GPLD1: variants seen among roughly 807,000 people sequenced by gnomAD.
GPLD1 encodes the protein phosphatidylinositol-glycan-specific phospholipase D.
GPLD1 carries 84 observed loss-of-function variants against 112.6 expected under a neutral mutation model. That is an observed-to-expected ratio of 0.75 (90% CI 0.63 to 0.89). The LOEUF (loss-of-function observed/expected upper bound fraction) is 0.89, where lower values mean the gene tolerates loss of function less well. GPLD1 is among the 40% of genes least tolerant of loss of function. The pLI is 0.00. For synonymous variants in GPLD1, 386 were observed against 403.8 expected, an observed-to-expected ratio of 0.96 and a Z score of 0.53; for missense variants, 1,044 against 1,051.5, an observed-to-expected ratio of 0.99 and a Z score of 0.10.
At chr6:24,485,314 G>T (rs143227803) in intron 2 of GPLD1, among the ~76,000 whole-genome samples, 1 of 152,282 alleles carries the variant, frequency 6.6e-6, no homozygotes, top group African/African-American at 2.4e-5. Flanking sequence ...AAGGTGGAAG[G>T]ATTGCTTGAG....
intron 7 of GPLD1, among the ~76,000 whole-genome samples, chr6:24,470,888 C>T (rs991450656): frequency 1.1e-4 from 16 of 152,156 alleles, no homozygotes; most frequent in South Asian, 2.1e-4. Flanking sequence ...CATGAGCCAC[C>T]GTGCCTGGCC....
At chr6:24,458,891 T>C (rs890260912) in intron 12 of GPLD1, among the ~76,000 whole-genome samples, 14 of 145,574 alleles carry the variant, frequency 9.6e-5, no homozygotes, top group Non-Finnish European at 2.0e-4. Context: ...AAAAAAAAAA[T>C]TGTTAAGAAT....
In GPLD1 at chr6:24,494,624, T is replaced by C. The variant is rs7772630; in HGVS notation, n.239+343A>G. Among the ~76,000 whole-genome samples the C allele has an allele frequency of 3.5e-3, 537 of 152,234 alleles. No homozygotes were observed. Among genetic ancestry groups the C allele is most frequent in the African/African-American group, 0.012 (501 of 41,524 alleles). On this transcript the variant is annotated intron_variant and non_coding_transcript_variant, in intron 1 of 10. Coordinates refer to the GPLD1 transcript ENST00000474784. Reference sequence around the variant, plus strand: ...ATGCTAAGGGGAGAGAGTGGGTCTCTAGCAGCGATTGGGGGCTCAGGAGCA... The same window carrying C: ...ATGCTAAGGGGAGAGAGTGGGTCTCCAGCAGCGATTGGGGGCTCAGGAGCA...
At chr6:24,429,244 G>T in intron 24 of GPLD1, 126 bp from the exon 25 acceptor site, 2 of 525,238 alleles carry the variant, frequency 3.8e-6, no homozygotes, top group Non-Finnish European at 3.3e-6. Flanking sequence ...AGATCCCCTG[G>T]CTTGAACTCA....
At chr6:24,440,195 C>CCTA (rs1762701296) in intron 20 of GPLD1, among the ~76,000 whole-genome samples, 1 of 88,582 alleles carries the variant, frequency 1.1e-5, no homozygotes, top group African/African-American at 3.4e-5. Context: ...ATGGCTCATG[C>CCTA]CTATAATCCC....
chr6:24,475,848 ACT>A (rs1018844225), intron 4 of GPLD1, among the ~76,000 whole-genome samples: 9 of 148,428 alleles, frequency 6.1e-5, no homozygotes, highest in African/African-American at 1.2e-4. Flanking sequence ...ACAGAGCGAC[ACT>A]CTGTCTGAAA....
intron 20 of GPLD1, among the ~76,000 whole-genome samples, chr6:24,439,651 T>C (rs763844867): frequency 6.6e-6 from 1 of 152,168 alleles, no homozygotes; most frequent in Non-Finnish European, 1.5e-5. Flanking sequence ...AATTAAACAA[T>C]GGATTATCAT....
At position 24,472,636 on chromosome 6, in the gene GPLD1, C is replaced by T. The variant is rs1763861734; in HGVS notation, c.491G>A (p.Gly164Glu). Residue 164 changes from glycine (G) to glutamate (E), a missense_variant and splice_region_variant, in exon 7 of 25, where the codon GGA (glycine) becomes GAA (glutamate). By Grantham distance (98) the Gly-to-Glu change is moderately conservative. Transcript: ENST00000230036. ...TTCAAACTGGCTCAACACATCTCCT[C>T]CTAGGGTATGAGAAAAATATTGACA... ...YSEAHSAGDF[G>E]GDVLSQFEFN... 1.3e-6 allele frequency: 2 copies of T among 1,573,548 alleles called. No homozygotes were observed. The highest frequency in any genetic ancestry group is 1.3e-5 in the African/African-American group (1 of 74,156).
At chr6:24,489,221 TAACTG>T (rs2127374698) in intron 1 of GPLD1, among the ~76,000 whole-genome samples, 189 bp downstream of exon 1, 1 of 152,242 alleles carries the variant, frequency 6.6e-6, no homozygotes, top group South Asian at 2.1e-4. Context: ...ATTTGCCCCT[TAACTG>T]AAGTCATGCT....
At chr6:24,456,358 C>T in intron 13 of GPLD1, 140 bp downstream of exon 13, 1 of 596,088 alleles carries the variant, frequency 1.7e-6, no homozygotes, top group Non-Finnish European at 2.8e-6. Flanking sequence ...GATCAAGCCA[C>T]TGTACTCCAG....
At chr6:24,475,333 C>T in intron 4 of GPLD1, 102 bp from the exon 5 acceptor site, 1 of 691,480 alleles carries the variant, frequency 1.4e-6, no homozygotes. Flanking sequence ...GTTACTGAGA[C>T]CTAACAAAAA....
At chr6:24,451,610 A>G (rs916521516) in intron 14 of GPLD1, among the ~76,000 whole-genome samples, 2 of 152,208 alleles carry the variant, frequency 1.3e-5, no homozygotes, top group Non-Finnish European at 2.9e-5. Flanking sequence ...TGCTGGGATT[A>G]TAGGCATGAG....
chr6:24,484,354 T>G (rs920026167), intron 2 of GPLD1, among the ~76,000 whole-genome samples: 2 of 152,142 alleles, frequency 1.3e-5, no homozygotes, highest in African/African-American at 4.8e-5. Flanking sequence ...AGGACTAGAC[T>G]ATAGGTGTCT....
chr6:24,479,869 C>T lies in GPLD1; in HGVS notation c.232+12G>A, dbSNP rs756956294. 1.3e-6 allele frequency: 2 copies of T among 1,538,406 alleles called. No homozygotes were observed. The highest frequency in any genetic ancestry group is 1.4e-5 in the African/African-American group (1 of 73,474). ...AAAGTGACTTCATTCAGTCTGCAAA[C>T]TTTCATCTTACCTCCTTTGCAGATG... is the stretch of plus-strand genomic sequence containing the variant. On this transcript the variant is annotated intron_variant, in intron 3 of 24. Transcript: ENST00000230036.
intron 3 of GPLD1, among the ~76,000 whole-genome samples, chr6:24,477,860 T>C (rs1764073423): frequency 6.6e-6 from 1 of 152,136 alleles, no homozygotes; most frequent in African/African-American, 2.4e-5. Flanking sequence ...AAAACTACAG[T>C]TGAATTAGGT....
chr6:24,467,510 A>G (rs1457644012), intron 7 of GPLD1, among the ~76,000 whole-genome samples: 3 of 152,244 alleles, frequency 2.0e-5, no homozygotes, highest in Admixed American at 6.5e-5. Context: ...AATTGGCCCA[A>G]TGATGCAGAG....
exon 1 of GPLD1, chr6:24,495,140 T>C: frequency 1.4e-6 from 2 of 1,413,478 alleles, no homozygotes; most frequent in Non-Finnish European, 1.8e-6. Flanking sequence ...GCTGCTACGC[T>C]GGGCGCCTGG....
chr6:24,424,949 CTG>C (rs146301852), downstream of GPLD1: 18,623 of 152,106 alleles, frequency 0.12, 1,462 homozygotes, highest in East Asian at 0.16. Context: ...TTCCCCACTC[CTG>C]TGTGTGGTCA....
Position 24,466,109 on chromosome 6 carries a change from C to G in GPLD1, c.821+571G>C, listed in dbSNP as rs192450918. ...CCTGTAATCCCAGCACTTTGGGAGA[C>G]CAAGGCAGGTGGATCACTTGAGGCC... On this transcript the variant is annotated intron_variant, in intron 10 of 24. Coordinates refer to ENST00000230036, the MANE Select transcript of GPLD1 (RefSeq NM_001503.4). 1.3e-4 allele frequency among the ~76,000 whole-genome samples: 20 copies of G among 152,338 alleles called. 2 individuals carry two copies. The South Asian group carries it at 2.5e-3, about 19-fold the overall frequency.
Sources: allele counts gnomAD v4.1 joint callset (sites outside exome capture counted in the v4.1 genomes callset), GRCh38; gene constraint gnomAD v4.1.1; transcripts MANE v1.5; gene names NCBI Gene and HGNC (gene_info 2026-07-23, HGNC 2026-07-21).